ESF1: variants seen among roughly 807,000 people sequenced by gnomAD.
The protein encoded by ESF1 is ESF1 homolog.
Under a neutral mutation model 92.0 loss-of-function variants are expected in ESF1, and 58 were observed. That is an observed-to-expected ratio of 0.63 (90% confidence interval 0.51 to 0.78). The LOEUF is 0.78. Among genes scored for constraint, ESF1 ranks in the 30% least tolerant of loss-of-function variants. ESF1 has a pLI of 0.00. For synonymous variants in ESF1, 321 were observed against 313.7 expected (o/e 1.02, Z -0.24); for missense variants, 922 against 989.1 (o/e 0.93, Z 0.91).
At chr20:13,719,817 T>G (rs1279858599) in intron 11 of ESF1, among the ~76,000 whole-genome samples, 2 of 152,148 alleles carry the variant, frequency 1.3e-5, no homozygotes, top group Non-Finnish European at 2.9e-5. Flanking sequence ...TATATCAAAC[T>G]CTCATCTGCA....
intron 10 of ESF1, among the ~76,000 whole-genome samples, chr20:13,730,176 G>A (rs988012800): frequency 2.6e-5 from 4 of 151,666 alleles, no homozygotes; most frequent in East Asian, 3.9e-4. Context: ...AGGTTCAAGC[G>A]ATTCGCCTAC....
intron 11 of ESF1, among the ~76,000 whole-genome samples, chr20:13,727,680 C>G (rs945030073): frequency 6.6e-6 from 1 of 151,932 alleles, no homozygotes; most frequent in South Asian, 2.1e-4. Flanking sequence ...CGCATTTCCT[C>G]CACATAATGG....
intron 9 of ESF1, among the ~76,000 whole-genome samples, chr20:13,742,586 C>T (rs2050021800): frequency 6.6e-6 from 1 of 152,118 alleles, no homozygotes; most frequent in African/African-American, 2.4e-5. Context: ...TAGAAATGTT[C>T]CTAATGGCAT....
In ESF1 at chr20:13,776,009, G is replaced by C; in HGVS notation, c.899C>G (p.Pro300Arg). ...SEDDDKSDSGPDLARGKGNIE... is the reference protein window; with the variant it reads ...SEDDDKSDSGRDLARGKGNIE... The stretch of plus-strand genomic sequence containing the variant: ...ATTTCCTTTACCCCTTGCAAGATCA[G>C]GGCCACTGTCACTTTTATCATCATC... Residue 300 changes from proline (P) to arginine (R), a missense_variant, in exon 3 of 14, where the codon CCT (proline) becomes CGT (arginine). Transcript: ENST00000617257. The C allele has an allele frequency of 1.2e-6, 2 of 1,613,742 alleles. No individual in the cohort carries two copies. The highest frequency in any genetic ancestry group is 1.7e-6 in the Non-Finnish European group (2 of 1,179,908).
intron 9 of ESF1, among the ~76,000 whole-genome samples, chr20:13,741,118 C>A (rs971712249): frequency 6.6e-6 from 1 of 152,130 alleles, no homozygotes; most frequent in African/African-American, 2.4e-5. Context: ...CCCCTAATAT[C>A]CCATGTTCTC....
chr20:13,766,694 T>C (rs916183349), intron 8 of ESF1, 83 bp downstream of exon 8: 7 of 1,374,926 alleles, frequency 5.1e-6, no homozygotes, highest in Non-Finnish European at 7.1e-6. Flanking sequence ...TGTGAGCATA[T>C]CTGCAGACAG....
intron 9 of ESF1, among the ~76,000 whole-genome samples, chr20:13,734,481 G>A (rs2049963529): frequency 6.6e-6 from 1 of 152,230 alleles, no homozygotes; most frequent in East Asian, 1.9e-4. Context: ...CTCTTTCAAT[G>A]CTGCTATTTG....
intron 9 of ESF1, among the ~76,000 whole-genome samples, chr20:13,745,712 A>G (rs1179044740): frequency 1.3e-5 from 2 of 152,146 alleles, no homozygotes; most frequent in African/African-American, 4.8e-5. Context: ...TCAGCCTCCC[A>G]AAGTGCTGGG....
At position 13,775,183 on chromosome 20, in the gene ESF1, T is replaced by A. The variant is rs770024971; in HGVS notation, c.1123A>T (p.Lys375Ter). The change falls in exon 4 of 14, where the codon AAA becomes TAA. Residue 375 changes from lysine (K) to a stop codon, truncating the protein, a stop_gained. Transcript: ENST00000617257. LOFTEE classifies it high-confidence loss of function. ...LLALFNSFKP[K>*]GGVIFSVKIY... ...TTGACGGAAAATATTACACCTCCTT[T>A]GGGTTTAAATGAATTGAACAGAGCC... 6.2e-7 allele frequency: 1 copy of A among 1,606,644 alleles called. No homozygotes were observed. The highest frequency in any genetic ancestry group is 8.5e-7 in the Non-Finnish European group (1 of 1,177,568).
intron 9 of ESF1, among the ~76,000 whole-genome samples, chr20:13,738,462 A>G (rs996800403): frequency 3.9e-5 from 6 of 152,160 alleles, no homozygotes; most frequent in African/African-American, 1.2e-4. Flanking sequence ...ACAGGTGTGC[A>G]TCACCATACC....
In ESF1 at chr20:13,782,862, T is replaced by C; in HGVS notation, c.279A>G (p.Lys93=). ...GEDSKALSQK[K]IKKKKTQTKK... ...TAGTCTGGGTTTTTTTCTTCTTTAT[T>C]TTCTTTTGACTCAATGCTTTGCTAT... Residue 93 remains lysine (K), a synonymous_variant, in exon 2 of 14, where the codon AAA becomes AAG. Transcript: ENST00000617257. 1.9e-6 allele frequency: 3 copies of C among 1,604,270 alleles called. No individual in the cohort carries two copies. Among genetic ancestry groups the C allele is most frequent in the Non-Finnish European group, 2.5e-6 (3 of 1,177,950 alleles).
At chr20:13,759,940 T>C (rs1041486165) in intron 8 of ESF1, 87 bp from the exon 9 acceptor site, 2 of 1,462,624 alleles carry the variant, frequency 1.4e-6, no homozygotes, top group Non-Finnish European at 1.8e-6. Context: ...TTTTAAAAGA[T>C]GCTGTTAGAC....
rs571244448 is a variant in ESF1, at chr20:13,765,100, G to A, written c.1666+1677C>T. Reference sequence around the variant, plus strand: ...TACCCGGGCATGGTGGTGGGCACCCGCAGTCCCAGCTACTTGGGAGGCTGA... The same window carrying A: ...TACCCGGGCATGGTGGTGGGCACCCACAGTCCCAGCTACTTGGGAGGCTGA... On this transcript the variant is annotated intron_variant, in intron 8 of 13. Coordinates refer to ENST00000617257, the MANE Select transcript of ESF1 (RefSeq NM_001276380.2). Among the ~76,000 whole-genome samples the A allele has an allele frequency of 4.6e-5, 7 of 152,148 alleles. No homozygotes were observed. The East Asian group carries it at 7.7e-4, about 17-fold the overall frequency.
chr20:13,743,680 CT>C (rs2050029906), intron 9 of ESF1, among the ~76,000 whole-genome samples: 1 of 152,006 alleles, frequency 6.6e-6, no homozygotes, highest in Admixed American at 6.6e-5. Flanking sequence ...AAAAGTCAAA[CT>C]CAGAAGCAAA....
chr20:13,721,834 T>C (rs1311771826), intron 11 of ESF1, among the ~76,000 whole-genome samples: 2 of 152,218 alleles, frequency 1.3e-5, no homozygotes, highest in Non-Finnish European at 2.9e-5. Flanking sequence ...AAAATGCTCC[T>C]CATCACTGGT....
chr20:13,777,925 C>G (rs530654230), intron 2 of ESF1, among the ~76,000 whole-genome samples: 1 of 152,198 alleles, frequency 6.6e-6, no homozygotes, highest in African/African-American at 2.4e-5. Context: ...TATTCACTGA[C>G]CAAATATTTA....
At chr20:13,751,898 G>A (rs999741914) in intron 9 of ESF1, among the ~76,000 whole-genome samples, 14 of 152,120 alleles carry the variant, frequency 9.2e-5, no homozygotes, top group Non-Finnish European at 1.8e-4. Flanking sequence ...AGGAGGCTGA[G>A]GCAGGAGAAC....
intron 9 of ESF1, among the ~76,000 whole-genome samples, chr20:13,747,484 G>C (rs1447826246): frequency 2.0e-5 from 3 of 151,614 alleles, no homozygotes; most frequent in East Asian, 3.9e-4. Context: ...AGAACTGCTT[G>C]AACCCGGGAG....
chr20:13,727,379 T>C (rs2049907406), intron 11 of ESF1, among the ~76,000 whole-genome samples: 1 of 152,228 alleles, frequency 6.6e-6, no homozygotes, highest in Non-Finnish European at 1.5e-5. Flanking sequence ...AAAATGTCAG[T>C]ACTAAAAAGC....
Sources: allele counts gnomAD v4.1 joint callset (sites outside exome capture counted in the v4.1 genomes callset), GRCh38; gene constraint gnomAD v4.1.1; transcripts MANE v1.5; gene names NCBI Gene and HGNC (gene_info 2026-07-23, HGNC 2026-07-21).